XPO5: variants seen among roughly 807,000 people sequenced by gnomAD.
The protein encoded by XPO5 is exportin 5.
Under a neutral mutation model 160.6 loss-of-function variants are expected in XPO5, and 46 were observed. The ratio of observed to expected loss-of-function variants is 0.29; its 90% CI spans 0.23 to 0.37. The LOEUF is 0.37. Ranked by LOEUF, XPO5 falls within the 10% of genes least tolerant of loss-of-function variation. XPO5 has a pLI of 1.00. For missense variants in XPO5, 1,090 were observed against 1,463.9 expected (o/e 0.74, Z 4.17); for synonymous variants, 537 against 519.3 (o/e 1.03, Z -0.46).
chr6:43,559,043 TC>T (rs964712909), intron 11 of XPO5: 5 of 153,534 alleles, frequency 3.3e-5, no homozygotes, highest in African/African-American at 1.2e-4. Context: ...ACGCCTGTAA[TC>T]CCAGCACTTT....
intron 21 of XPO5, 109 bp downstream of exon 21, chr6:43,533,798 G>A: frequency 1.4e-6 from 1 of 703,784 alleles, no homozygotes; most frequent in Non-Finnish European, 2.2e-6. Flanking sequence ...TTGCACCAGT[G>A]CACTCTAGCC....
Position 43,575,914 on chromosome 6 carries a change from G to A in XPO5, c.-50C>T, listed in dbSNP as rs1182279480. 4 of 1,571,994 alleles carry A rather than the reference G, an allele frequency of 2.5e-6. No individual in the cohort carries two copies. The African/African-American group carries it at 4.1e-5, about 16-fold the overall frequency. ...CACACCACTGCAGTCCCGGGACCACGAGGCACGACAGCTCCCTCGGCGAGA... is the reference window on the plus strand; with the variant it reads ...CACACCACTGCAGTCCCGGGACCACAAGGCACGACAGCTCCCTCGGCGAGA... On this transcript the variant is annotated 5_prime_UTR_variant, in exon 1 of 32. Coordinates refer to ENST00000265351, the MANE Select transcript of XPO5 (RefSeq NM_020750.3).
intron 20 of XPO5, chr6:43,538,770 T>TC: frequency 1.5e-6 from 1 of 651,612 alleles, no homozygotes; most frequent in Non-Finnish European, 2.5e-6. Context: ...ACTACATTTT[T>TC]CTTTTTTTTT....
intron 16 of XPO5, 87 bp downstream of exon 16, chr6:43,549,806 T>C: frequency 7.1e-7 from 1 of 1,415,388 alleles, no homozygotes; most frequent in Non-Finnish European, 9.7e-7. Context: ...CCCCCTCCCA[T>C]TTATATAAAA....
chr6:43,525,983 C>T (rs760302892), intron 27 of XPO5, 62 bp from the exon 28 acceptor site: 1 of 1,584,208 alleles, frequency 6.3e-7, no homozygotes, highest in South Asian at 1.1e-5. Context: ...ATATCTTGTT[C>T]TGACAGAAGC....
chr6:43,560,154 C>G, intron 11 of XPO5, 24 bp downstream of exon 11: 6 of 1,608,968 alleles, frequency 3.7e-6, no homozygotes, highest in Non-Finnish European at 5.1e-6. Context: ...CTACATTCCA[C>G]ATGTTTAGAT....
intron 13 of XPO5, chr6:43,555,580 A>C: frequency 3.5e-6 from 1 of 287,760 alleles, no homozygotes; most frequent in Non-Finnish European, 6.4e-6. Flanking sequence ...TAATTGGTTG[A>C]TTCTGTTAGA....
At chr6:43,551,520 ATTT>A (rs1795228357) in intron 14 of XPO5, 67 bp from the exon 15 acceptor site, 3 of 1,575,008 alleles carry the variant, frequency 1.9e-6, no homozygotes, top group Non-Finnish European at 2.6e-6. Flanking sequence ...TTTTGGCTAC[ATTT>A]TATTTTCATC....
At chr6:43,546,436 C>T in intron 20 of XPO5, 135 bp downstream of exon 20, 1 of 838,686 alleles carries the variant, frequency 1.2e-6, no homozygotes, top group African/African-American at 1.8e-5. Context: ...CTGAGACACC[C>T]TCTAGAAAGA....
At chr6:43,525,067 C>T in intron 29 of XPO5, 40 bp downstream of exon 29, 1 of 1,573,006 alleles carries the variant, frequency 6.4e-7, no homozygotes, top group Non-Finnish European at 8.6e-7. Context: ...ATGACCCAAA[C>T]CTTCCATGAG....
At chr6:43,524,278 G>C (rs1482511089) in intron 31 of XPO5, among the ~76,000 whole-genome samples, 193 bp downstream of exon 31, 1 of 151,874 alleles carries the variant, frequency 6.6e-6, no homozygotes, top group Non-Finnish European at 1.5e-5. Context: ...TTTGAACCTG[G>C]GAGGCGGAGG....
intron 30 of XPO5, 67 bp downstream of exon 30, chr6:43,524,764 C>G (rs1458523566): frequency 6.3e-7 from 1 of 1,599,798 alleles, no homozygotes; most frequent in African/African-American, 1.3e-5. Flanking sequence ...GGATAAGGCC[C>G]AAGAGACTAG....
chr6:43,562,327 A>T lies in XPO5; in HGVS notation c.931T>A (p.Leu311Met). The T allele has an allele frequency of 6.2e-7, 1 of 1,608,624 alleles. No homozygotes were observed. Among genetic ancestry groups the T allele is most frequent in the African/African-American group, 1.3e-5 (1 of 74,944 alleles). ...AGAAAGACGTAGTGTTTTTCTACCAAACCTCCTCCATCAGCAGTCCTGTAA... is the reference window on the plus strand; with the variant it reads ...AGAAAGACGTAGTGTTTTTCTACCATACCTCCTCCATCAGCAGTCCTGTAA... ...SAAQTADGGG[L>M]VEKHYVFLKR... is the part of the protein sequence containing the mutation. Residue 311 changes from leucine (L) to methionine (M), a missense_variant, in exon 9 of 32, where the codon TTG becomes ATG. Around this residue, in one of 3 missense-constraint regions of XPO5, gnomAD observed 810 missense variants for 1,139.0 expected, o/e 0.71. Transcript: ENST00000265351.
chr6:43,573,239 G>C (rs989915465), intron 2 of XPO5, among the ~76,000 whole-genome samples: 2 of 152,146 alleles, frequency 1.3e-5, no homozygotes, highest in South Asian at 4.1e-4. Flanking sequence ...CTAAATGGCA[G>C]GTAATATTTG....
chr6:43,522,969 T>A lies in XPO5; in HGVS notation c.*899A>T, dbSNP rs1793288866. The A allele has an allele frequency of 5.7e-6, 1 of 176,876 alleles. No individual in the cohort carries two copies. Among genetic ancestry groups the A allele is most frequent in the East Asian group, 1.6e-4 (1 of 6,186 alleles). 11.0% of individuals were successfully genotyped at this position (176,876 alleles called of 1,614,324 possible). A position where few individuals can be genotyped will look rare whatever the true frequency, so the allele number is the denominator to read the frequency against. ...CCAGGGACCTGAAAGACCATGAGAT[T>A]GTGGAAGGCACCTGGACTTAGTCCT... On this transcript the variant is annotated 3_prime_UTR_variant, in exon 32 of 32. Transcript: ENST00000265351.
At chr6:43,530,435 A>G (rs1292311151) in intron 23 of XPO5, among the ~76,000 whole-genome samples, 1 of 152,116 alleles carries the variant, frequency 6.6e-6, no homozygotes, top group Non-Finnish European at 1.5e-5. Context: ...AAAAAAAAAA[A>G]AGTTTTATCT....
chr6:43,548,421 G>C lies in XPO5; in HGVS notation c.1900C>G (p.Leu634Val), dbSNP rs1427414359. 6.2e-7 allele frequency: 1 copy of C among 1,604,434 alleles called. No homozygotes were observed. The highest frequency in any genetic ancestry group is 8.5e-7 in the Non-Finnish European group (1 of 1,173,766). Residue 634 changes from leucine to valine, a missense_variant, in exon 18 of 32, where the codon CTC becomes GTC. Transcript: ENST00000265351. ...TGTGTCAGGAGTAGCTCATTGGAGA[G>C]GAGTTGCTTCACATGGTTATAAAGC... ...DMLYNHVKQL[L>V]SNELLLTQME...
chr6:43,524,694 T>C, intron 30 of XPO5, 59 bp from the exon 31 acceptor site: 2 of 1,593,782 alleles, frequency 1.3e-6, no homozygotes, highest in Non-Finnish European at 1.7e-6. Flanking sequence ...ACCCTCCCCA[T>C]TTCCTGCCAC....
chr6:43,572,895 C>T (rs778045407), intron 2 of XPO5, among the ~76,000 whole-genome samples: 17 of 152,188 alleles, frequency 1.1e-4, no homozygotes, highest in Non-Finnish European at 2.5e-4. Context: ...TCAACTGCAA[C>T]AATGTACTTG....
Sources: gnomAD v4.1 joint callset for allele counts (sites outside exome capture counted in the v4.1 genomes callset) on GRCh38, gnomAD v4.1.1 for gene constraint, gnomAD v4.1.1 regional missense constraint, MANE v1.5 for transcripts, NCBI Gene and HGNC (gene_info 2026-07-23, HGNC 2026-07-21) for gene names.